Variants in CLCNKA observed in about 807,000 individuals in gnomAD.
CLCNKA encodes chloride voltage-gated channel Ka.
Under a neutral mutation model 83.3 loss-of-function variants are expected in CLCNKA, and 66 were observed. That is an observed-to-expected ratio of 0.79 (90% CI 0.65 to 0.97). The LOEUF is 0.97. CLCNKA is among the 50% of genes least tolerant of loss of function. The pLI is 0.00. For synonymous variants in CLCNKA, 357 were observed against 370.4 expected (o/e 0.96, Z 0.42); for missense variants, 806 against 888.7 (o/e 0.91, Z 1.18).
At chr1:16,026,877 C>T in intron 7 of CLCNKA, 102 bp downstream of exon 7, 6 of 1,475,336 alleles carry the variant, frequency 4.1e-6, no homozygotes, top group East Asian at 2.3e-5. Flanking sequence ...GGGGATGGGG[C>T]TCATTCTTGT....
At chr1:16,022,910 A>G (rs372758239) in intron 2 of CLCNKA, among the ~76,000 whole-genome samples, 191 bp downstream of exon 2, 43 of 152,350 alleles carry the variant, frequency 2.8e-4, no homozygotes, top group South Asian at 1.5e-3. Flanking sequence ...CAGATGGGCC[A>G]GGCATCTGCC....
chr1:16,026,799 C>T, intron 7 of CLCNKA, 24 bp downstream of exon 7: 1 of 1,604,132 alleles, frequency 6.2e-7, no homozygotes, highest in African/African-American at 1.3e-5. Context: ...CATGCCCCGC[C>T]CCCTGGGTCC....
Position 16,030,442 on chromosome 1 carries a change from T to C in CLCNKA, c.1409-19T>C, listed in dbSNP as rs1484410310. ...CTGCCTCCTGGCCTGAGCCGACCTG[T>C]GTGGCTCTGCCCCGGCAGGGGCTGC... is the stretch of plus-strand genomic sequence containing the variant. On this transcript the variant is annotated intron_variant, in intron 14 of 19. Coordinates refer to ENST00000331433, the MANE Select transcript of CLCNKA (RefSeq NM_004070.4). 5 of 1,611,946 alleles carry C rather than the reference T, an allele frequency of 3.1e-6. No individual in the cohort carries two copies. The highest frequency in any genetic ancestry group is 1.8e-4 in the Middle Eastern group (1 of 5,698).
Position 16,026,258 on chromosome 1 carries a change from G to A in CLCNKA, c.498+11G>A, listed in dbSNP as rs530900969. ...TTCCTGGGCAAAGTGGTATGGTCAG[G>A]TGTGAGGGCACCCCAGCCACCCCGC... On this transcript the variant is annotated intron_variant, in intron 5 of 19. Coordinates refer to ENST00000331433, the MANE Select transcript of CLCNKA (RefSeq NM_004070.4). 1 of 1,613,532 alleles carries A rather than the reference G, an allele frequency of 6.2e-7. No homozygotes were observed. Among genetic ancestry groups the A allele is most frequent in the Non-Finnish European group, 8.5e-7 (1 of 1,180,004 alleles).
intron 15 of CLCNKA, among the ~76,000 whole-genome samples, chr1:16,030,882 G>A (rs1257938687): frequency 6.6e-6 from 1 of 152,240 alleles, no homozygotes; most frequent in African/African-American, 2.4e-5. Flanking sequence ...AGGCCTCAGT[G>A]TCTGTCTAGG....
rs140290085 is a variant in CLCNKA, at chr1:16,033,222, G to C, written c.1982G>C (p.Arg661Pro). 101 of 1,614,142 alleles carry C rather than the reference G, an allele frequency of 6.3e-5. No homozygotes were observed. In the East Asian group the frequency reaches 2.2e-3, roughly 35 times the overall value. ...LNLQSLFVTS[R>P]GRAVGCVSWV... Reference sequence around the variant, plus strand: ...CTTCAGTCCCTCTTCGTGACATCGCGGGGCAGAGCTGTGGGCTGCGTGTCC... The same window carrying C: ...CTTCAGTCCCTCTTCGTGACATCGCCGGGCAGAGCTGTGGGCTGCGTGTCC... The change falls in exon 19 of 20, where the codon CGG (arginine) becomes CCG (proline). Residue 661 changes from arginine to proline, a missense_variant. Arg to Pro is a moderately radical substitution (Grantham distance 103). Coordinates refer to ENST00000331433, the MANE Select transcript of CLCNKA (RefSeq NM_004070.4).
Position 16,022,722 on chromosome 1 carries a change from G to A in CLCNKA, c.100+3G>A, listed in dbSNP as rs1417630282. ...CCACATCCGCCGAGCCATCCAAGGT[G>A]AGAGCCAGGTCCTCTTCCCTACCCG... On this transcript the variant is annotated splice_donor_region_variant and intron_variant, in intron 2 of 19. Coordinates refer to ENST00000331433, the MANE Select transcript of CLCNKA (RefSeq NM_004070.4). 1 of 1,526,542 alleles carries A rather than the reference G, an allele frequency of 6.6e-7. No individual in the cohort carries two copies. Among genetic ancestry groups the A allele is most frequent in the Non-Finnish European group, 8.8e-7 (1 of 1,133,440 alleles). 94.6% of individuals were successfully genotyped at this position (1,526,542 alleles called of 1,614,324 possible). A position where few individuals can be genotyped will look rare whatever the true frequency, so the allele number is the denominator to read the frequency against.
At position 16,032,715 on chromosome 1, in the gene CLCNKA, G is replaced by C. The variant is rs545978912; in HGVS notation, c.1929+189G>C. Among the ~76,000 whole-genome samples the C allele has an allele frequency of 2.8e-4, 43 of 152,348 alleles. 1 individual carries two copies. Among genetic ancestry groups the C allele is most frequent in the Admixed American group, 1.7e-3 (26 of 15,304 alleles). ...CTGCCAGGGTTGCGGGGATGATGCA[G>C]AGAGATGAGGGAATTGGGGGGCTTG... On this transcript the variant is annotated intron_variant, in intron 18 of 19. Coordinates refer to ENST00000331433, the MANE Select transcript of CLCNKA (RefSeq NM_004070.4).
At chr1:16,033,040 C>T (rs2022696575) in intron 18 of CLCNKA, 130 bp from the exon 19 acceptor site, 1 of 975,138 alleles carries the variant, frequency 1.0e-6, no homozygotes, top group Non-Finnish European at 1.7e-6. Flanking sequence ...ACATTGCAGG[C>T]CTGGGTCTGT....
rs1294346005 is a variant in CLCNKA at position 16,030,734 on chromosome 1, G to T, written c.1622+60G>T. ...GTCACAGTGTTTGGGCTTGGCTGGG[G>T]GTGGAGGGCACCTCCAAAAAGAAAC... On this transcript the variant is annotated intron_variant, in intron 15 of 19. Transcript: ENST00000331433. The T allele has an allele frequency of 1.2e-5, 20 of 1,607,610 alleles. No homozygotes were observed. The Admixed American group carries it at 3.3e-4, about 27-fold the overall frequency.
chr1:16,024,717 G>C, intron 3 of CLCNKA, 46 bp from the exon 4 acceptor site: 1 of 1,612,066 alleles, frequency 6.2e-7, no homozygotes, highest in Non-Finnish European at 8.5e-7. Flanking sequence ...TGGCCCTGAG[G>C]GCTGCAGAGG....
At chr1:16,027,009 T>C in intron 7 of CLCNKA, 1 of 656,190 alleles carries the variant, frequency 1.5e-6, no homozygotes, top group Non-Finnish European at 2.6e-6. Flanking sequence ...AGACTTGGGT[T>C]TGAAATCCAC....
rs751111176 is a variant in CLCNKA at position 16,022,584 on chromosome 1, CG to C, written c.-7-26del. The C allele has an allele frequency of 2.6e-6, 4 of 1,510,446 alleles. No homozygotes were observed. The East Asian group carries it at 7.3e-5, about 28-fold the overall frequency. 93.6% of individuals were successfully genotyped at this position (1,510,446 alleles called of 1,614,324 possible). On this transcript the variant is annotated intron_variant, in intron 1 of 19. Coordinates refer to ENST00000331433, the MANE Select transcript of CLCNKA (RefSeq NM_004070.4). ...GCGCGAGGACGTGCAGCAGCTCACC[CG>C]GGTCCTTCCCTCCATCTGCTTCTCC...
Position 16,023,921 on chromosome 1 carries a change from G to T in CLCNKA, c.222G>T (p.Val74=), listed in dbSNP as rs2022239840. The T allele has an allele frequency of 1.2e-6, 2 of 1,613,978 alleles. No individual in the cohort carries two copies. The highest frequency in any genetic ancestry group is 1.7e-6 in the Non-Finnish European group (2 of 1,179,984). ...CCATGAACTTTGCCATCGGGTGTGT[G>T]GTCCGAGGTAACTCTTCCCTGGCAG... is the stretch of plus-strand genomic sequence containing the variant. The part of the protein sequence containing the change: ...SYAMNFAIGC[V]VRAHQWLYRE... Residue 74 remains valine (V), a synonymous_variant, in exon 3 of 20, where the codon GTG becomes GTT. Coordinates refer to ENST00000331433, the MANE Select transcript of CLCNKA (RefSeq NM_004070.4).
rs141107422 is a variant in CLCNKA at position 16,032,929 on chromosome 1, C to G, written c.1930-241C>G. ...AGGGGACCTGGAGATGGCCCCGCCC[C>G]CTCTGTGCTGCTGGAGGGTGCTGGA... On this transcript the variant is annotated intron_variant, in intron 18 of 19. Transcript: ENST00000331433. Among the ~76,000 whole-genome samples the G allele has an allele frequency of 4.3e-3, 657 of 152,352 alleles. 3 individuals are homozygous for G. The highest frequency in any genetic ancestry group is 0.014 in the African/African-American group (592 of 41,588).
chr1:16,032,402 G>A, intron 17 of CLCNKA, 41 bp from the exon 18 acceptor site: 1 of 1,576,046 alleles, frequency 6.3e-7, no homozygotes, highest in South Asian at 1.1e-5. Context: ...AGGCATCCTG[G>A]GGAGGCCGGC....
At chr1:16,022,287 G>C (rs1488672564) in intron 1 of CLCNKA, among the ~76,000 whole-genome samples, 1 of 152,124 alleles carries the variant, frequency 6.6e-6, no homozygotes, top group Non-Finnish European at 1.5e-5. Context: ...TGCAGTGAGA[G>C]AGTCACAGCC....
chr1:16,029,199 C>T lies in CLCNKA; in HGVS notation c.1127C>T (p.Pro376Leu). Reference protein sequence around the residue: ...SWALMTQNSSPPWPEELDPQH... With the variant: ...SWALMTQNSSLPWPEELDPQH... ...GCGCTGATGACCCAGAACTCCAGCCCACCCTGGCCCGAGGAGCTCGACCCC... is the reference window on the plus strand; with the variant it reads ...GCGCTGATGACCCAGAACTCCAGCCTACCCTGGCCCGAGGAGCTCGACCCC... The change falls in exon 12 of 20, where the codon CCA (proline) becomes CTA (leucine). Residue 376 changes from proline to leucine, a missense_variant. Physicochemically the swap from Pro to Leu is moderately conservative, Grantham distance 98 (BLOSUM62 -3). Transcript: ENST00000331433. 1 of 1,613,444 alleles carries T rather than the reference C, an allele frequency of 6.2e-7. No homozygotes were observed. The highest frequency in any genetic ancestry group is 8.5e-7 in the Non-Finnish European group (1 of 1,179,860).
chr1:16,027,020 T>C, intron 7 of CLCNKA: 1 of 644,078 alleles, frequency 1.6e-6, no homozygotes, highest in Non-Finnish European at 2.7e-6. Flanking sequence ...TGAAATCCAC[T>C]GGCCCCTTGG....
Sources: allele counts gnomAD v4.1 joint callset (sites outside exome capture counted in the v4.1 genomes callset), GRCh38; gene constraint gnomAD v4.1.1; transcripts MANE v1.5; gene names NCBI Gene and HGNC (gene_info 2026-07-23, HGNC 2026-07-21).